Variants in RANBP2 observed in about 807,000 individuals in gnomAD.
RANBP2 encodes the protein RAN binding protein 2, also known as E3 SUMO-protein ligase RanBP2.
A neutral mutation model predicts 303.6 loss-of-function variants in RANBP2; 57 were observed. The observed-to-expected ratio is 0.19, with a 90% CI of 0.15 to 0.23. The LOEUF is 0.23. Among genes scored for constraint, RANBP2 ranks in the 10% least tolerant of loss-of-function variants. The pLI, the probability that RANBP2 is intolerant of heterozygous loss-of-function variation, is 1.00. For missense variants in RANBP2, 3,138 were observed against 3,780.8 expected (o/e 0.83, Z 4.46); for synonymous variants, 1,167 against 1,301.5 (o/e 0.90, Z 2.23).
the RANBP2 span, among the ~76,000 whole-genome samples, chr2:109,345,825 C>T: frequency 6.6e-6 from 1 of 152,156 alleles, no homozygotes; most frequent in East Asian, 1.9e-4. Flanking sequence ...TGGCTCTGGG[C>T]CAGGTCATTC....
chr2:108,971,382 C>A, the RANBP2 span, among the ~76,000 whole-genome samples: 2 of 152,062 alleles, frequency 1.3e-5, no homozygotes, highest in Non-Finnish European at 2.9e-5. Flanking sequence ...TCAAAATCTT[C>A]ATTGTAACAA....
the RANBP2 span, among the ~76,000 whole-genome samples, chr2:109,391,461 C>T: frequency 2.6e-5 from 4 of 152,214 alleles, no homozygotes; most frequent in Admixed American, 1.3e-4. Flanking sequence ...CTGGCAGGGC[C>T]GGCGGCCTCA....
chr2:109,205,630 C>T, the RANBP2 span, among the ~76,000 whole-genome samples: 3 of 152,122 alleles, frequency 2.0e-5, no homozygotes, highest in South Asian at 2.1e-4. Flanking sequence ...GAGAAGGCCA[C>T]GGTGAGAATC....
In RANBP2 at chr2:108,779,594, T is replaced by A. The variant is rs1359234821; in HGVS notation, c.8600-1675T>A. 2.0e-5 allele frequency among the ~76,000 whole-genome samples: 3 copies of A among 152,318 alleles called. No homozygotes were observed. In the East Asian group the frequency reaches 5.8e-4, roughly 29 times the overall value. ...GACATTTTTTCTTTTTCATGAGAGT[T>A]TTTAGCAGAAGGTGTAGGGTTCTTT... On this transcript the variant is annotated intron_variant, in intron 25 of 28. Transcript: ENST00000283195.
At chr2:109,168,747 T>G in the RANBP2 span, among the ~76,000 whole-genome samples, 1 of 152,214 alleles carries the variant, frequency 6.6e-6, no homozygotes, top group Admixed American at 6.5e-5. Flanking sequence ...TCAGCACTGT[T>G]GGCCCTTCTC....
chr2:108,861,567 G>A, the RANBP2 span, among the ~76,000 whole-genome samples: 9 of 143,012 alleles, frequency 6.3e-5, no homozygotes, highest in Admixed American at 7.0e-5. Context: ...TGCAACCTCC[G>A]CCTCCTGGGT....
the RANBP2 span, among the ~76,000 whole-genome samples, chr2:109,354,122 T>A: frequency 6.6e-6 from 1 of 152,216 alleles, no homozygotes; most frequent in Non-Finnish European, 1.5e-5. Context: ...GGGTTATTTC[T>A]GCACCAAAAG....
At chr2:109,522,294 C>CTT in the RANBP2 span, among the ~76,000 whole-genome samples, 10 of 142,972 alleles carry the variant, frequency 7.0e-5, no homozygotes, top group East Asian at 1.2e-3. Context: ...AAAAAAAAAC[C>CTT]TTTTTTTTTT....
chr2:109,314,623 G>C, the RANBP2 span, among the ~76,000 whole-genome samples: 326 of 152,290 alleles, frequency 2.1e-3, no homozygotes, highest in Non-Finnish European at 3.4e-3. Flanking sequence ...CACTCTCCAT[G>C]GTCTTTAAAG....
At chr2:108,947,929 T>C in the RANBP2 span, among the ~76,000 whole-genome samples, 1 of 152,238 alleles carries the variant, frequency 6.6e-6, no homozygotes, top group African/African-American at 2.4e-5. Context: ...TTTTCTACCA[T>C]ATAGTTAGGT....
the RANBP2 span, among the ~76,000 whole-genome samples, chr2:109,080,612 T>TC: frequency 6.6e-6 from 1 of 152,284 alleles, no homozygotes; most frequent in Non-Finnish European, 1.5e-5. Flanking sequence ...TGCATTCTTT[T>TC]CCCCTGGAGA....
At chr2:109,135,242 A>G in the RANBP2 span, among the ~76,000 whole-genome samples, 1 of 152,302 alleles carries the variant, frequency 6.6e-6, no homozygotes, top group Middle Eastern at 3.4e-3. Flanking sequence ...GTTGCCTCCC[A>G]GGCTGGTGTC....
the RANBP2 span, among the ~76,000 whole-genome samples, chr2:108,854,329 A>G: frequency 2.0e-5 from 3 of 151,648 alleles, no homozygotes; most frequent in African/African-American, 7.3e-5. Context: ...TCAACTCTAT[A>G]GTCAGACAAC....
chr2:109,693,530 G>A, the RANBP2 span, among the ~76,000 whole-genome samples: 1 of 152,158 alleles, frequency 6.6e-6, no homozygotes, highest in Non-Finnish European at 1.5e-5. Context: ...TAGTGAGTAA[G>A]TCTCACAACA....
the RANBP2 span, among the ~76,000 whole-genome samples, chr2:109,112,407 G>A: frequency 2.0e-5 from 3 of 152,178 alleles, no homozygotes; most frequent in African/African-American, 7.2e-5. Context: ...TTTTTCATGT[G>A]TTTTTTGGCT....
chr2:108,972,978 T>C, the RANBP2 span, among the ~76,000 whole-genome samples: 1 of 152,336 alleles, frequency 6.6e-6, no homozygotes, highest in African/African-American at 2.4e-5. Flanking sequence ...TATTTTTTTA[T>C]TTATTTTAAT....
intron 6 of RANBP2, among the ~76,000 whole-genome samples, chr2:108,738,006 G>T (rs946143596): frequency 6.0e-5 from 9 of 149,226 alleles, no homozygotes; most frequent in African/African-American, 2.2e-4. Context: ...GAGCCACCGC[G>T]CCCAGCCCAC....
chr2:109,194,404 C>T, the RANBP2 span, among the ~76,000 whole-genome samples: 1 of 152,236 alleles, frequency 6.6e-6, no homozygotes, highest in Non-Finnish European at 1.5e-5. Context: ...GGGCCTCAAC[C>T]CCTGCCATCC....
chr2:109,215,140 G>A, the RANBP2 span, among the ~76,000 whole-genome samples: 11 of 152,140 alleles, frequency 7.2e-5, no homozygotes, highest in Non-Finnish European at 1.0e-4. Flanking sequence ...AAGCATCTAC[G>A]TGTCTTTCTG....
Sources: allele counts gnomAD v4.1 joint callset (sites outside exome capture counted in the v4.1 genomes callset), GRCh38; gene constraint gnomAD v4.1.1; transcripts MANE v1.5; gene names NCBI Gene and HGNC (gene_info 2026-07-23, HGNC 2026-07-21).